The following SLC25A24 variants were observed in gnomAD, a reference collection of about 807,000 sequenced individuals.
The protein encoded by SLC25A24 is solute carrier family 25 member 24, also known as mitochondrial adenyl nucleotide antiporter SLC25A24.
In SLC25A24, 49 loss-of-function variants were observed where a neutral mutation model predicts 60.7. The ratio of observed to expected loss-of-function variants is 0.81; its 90% CI spans 0.64 to 1.02. The LOEUF (loss-of-function observed/expected upper bound fraction) is 1.02. Ranked by LOEUF, SLC25A24 falls within the 50% of genes least tolerant of loss-of-function variation. The probability of loss-of-function intolerance (pLI) is 0.00; values close to 1 mark genes in which losing one functional copy is unlikely to be tolerated. For missense variants in SLC25A24, 564 were observed against 586.3 expected (o/e 0.96, Z 0.39); for synonymous variants, 202 against 200.6 (o/e 1.01, Z -0.06).
At chr1:108,189,291 T>C (rs1648259053) in intron 1 of SLC25A24, among the ~76,000 whole-genome samples, 1 of 152,214 alleles carries the variant, frequency 6.6e-6, no homozygotes, top group South Asian at 2.1e-4. Context: ...CTCTACAGTT[T>C]CAGTTACCTG....
intron 8 of SLC25A24, among the ~76,000 whole-genome samples, chr1:108,140,929 T>TA (rs1301644752): frequency 6.6e-6 from 1 of 151,826 alleles, no homozygotes; most frequent in African/African-American, 2.4e-5. Flanking sequence ...ATGACAACAG[T>TA]AAGTCCTTCC....
rs200993204 is a variant in SLC25A24 at position 108,155,063 on chromosome 1, G to A, written c.742C>T (p.Arg248Cys). ...GTACCATTTCCCCTCCAAAGCGAGC[G>A]GATACCTCCTTCTTTTACCATCTGT... ...FRQMVKEGGI[R>C]SLWRGNGTNV... is the part of the protein sequence containing the mutation. The change falls in exon 6 of 10, where the codon CGC (arginine) becomes TGC (cysteine). Residue 248 changes from arginine to cysteine, a missense_variant. Transcript: ENST00000565488. The A allele has an allele frequency of 3.5e-5, 56 of 1,612,312 alleles. No individual in the cohort carries two copies. Among genetic ancestry groups the A allele is most frequent in the Non-Finnish European group, 4.2e-5 (49 of 1,179,078 alleles).
At chr1:108,163,577 C>T (rs1680153958) in intron 3 of SLC25A24, among the ~76,000 whole-genome samples, 1 of 152,082 alleles carries the variant, frequency 6.6e-6, no homozygotes, top group Non-Finnish European at 1.5e-5. Flanking sequence ...GGAGTTCACT[C>T]ATGATTTGGC....
At chr1:108,175,845 A>G (rs1232612441) in intron 3 of SLC25A24, among the ~76,000 whole-genome samples, 1 of 152,210 alleles carries the variant, frequency 6.6e-6, no homozygotes, top group South Asian at 2.1e-4. Flanking sequence ...TATTAAAGAT[A>G]TTTAATTAAA....
chr1:108,171,836 CA>C (rs1647472310), intron 3 of SLC25A24, among the ~76,000 whole-genome samples: 1 of 152,080 alleles, frequency 6.6e-6, no homozygotes, highest in South Asian at 2.1e-4. Flanking sequence ...CTCCATTTTA[CA>C]GACAAAGAGA....
intron 6 of SLC25A24, 114 bp from the exon 7 acceptor site, chr1:108,148,500 G>C (rs762616485): frequency 8.6e-5 from 57 of 666,130 alleles, no homozygotes; most frequent in African/African-American, 1.4e-4. Context: ...TAGGAGATGA[G>C]GCTTCTGGAG....
chr1:108,192,363 T>C (rs1448378046), intron 1 of SLC25A24: 4 of 604,088 alleles, frequency 6.6e-6, no homozygotes, highest in Middle Eastern at 8.4e-4. Flanking sequence ...ACGGTAACGC[T>C]GGTCAACGAC....
chr1:108,142,864 C>T (rs528984749), intron 8 of SLC25A24, among the ~76,000 whole-genome samples: 2 of 152,040 alleles, frequency 1.3e-5, no homozygotes, highest in Non-Finnish European at 2.9e-5. Flanking sequence ...TGAACTAAAT[C>T]TCAATAAAGC....
chr1:108,153,490 C>T (rs140245297), intron 6 of SLC25A24, among the ~76,000 whole-genome samples: 8 of 152,214 alleles, frequency 5.3e-5, no homozygotes, highest in Admixed American at 2.0e-4. Flanking sequence ...ATTCAGCACT[C>T]GAGGGAGGCT....
At chr1:108,164,357 A>G (rs1259452667) in intron 3 of SLC25A24, among the ~76,000 whole-genome samples, 24 of 149,756 alleles carry the variant, frequency 1.6e-4, no homozygotes, top group African/African-American at 5.4e-4. Flanking sequence ...GAATAGTTTC[A>G]GAAGGAATGG....
chr1:108,197,878 G>A (rs1648543208), intron 1 of SLC25A24, among the ~76,000 whole-genome samples: 1 of 152,236 alleles, frequency 6.6e-6, no homozygotes, highest in African/African-American at 2.4e-5. Context: ...CTAGCAGGAG[G>A]TGTCAGGGTT....
At chr1:108,138,418 A>G (rs1043602025) in intron 9 of SLC25A24, among the ~76,000 whole-genome samples, 3 of 152,238 alleles carry the variant, frequency 2.0e-5, no homozygotes, top group African/African-American at 7.2e-5. Flanking sequence ...CAAAGAGAAA[A>G]GAAAGGCATT....
intron 4 of SLC25A24, among the ~76,000 whole-genome samples, chr1:108,160,803 A>G (rs1348400600): frequency 6.6e-6 from 1 of 152,176 alleles, no homozygotes; most frequent in Non-Finnish European, 1.5e-5. Context: ...TACGAAAAAC[A>G]GTCAGGCGTG....
Position 108,136,552 on chromosome 1 carries a change from G to T in SLC25A24, c.*101C>A. 3 of 991,910 alleles carry T rather than the reference G, an allele frequency of 3.0e-6. No individual in the cohort carries two copies. The highest frequency in any genetic ancestry group is 4.5e-6 in the Non-Finnish European group (3 of 665,134). 61.4% of individuals were successfully genotyped at this position (991,910 alleles called of 1,614,324 possible). On this transcript the variant is annotated 3_prime_UTR_variant, in exon 10 of 10. Transcript: ENST00000565488. ...CCATCTTCCCTTTTGTGAAAAAAATGCAGCTTCTTTTGCCATAGACTTGTT... is the reference window on the plus strand; with the variant it reads ...CCATCTTCCCTTTTGTGAAAAAAATTCAGCTTCTTTTGCCATAGACTTGTT...
intron 3 of SLC25A24, among the ~76,000 whole-genome samples, chr1:108,173,533 G>A (rs1375120192): frequency 4.6e-5 from 7 of 152,138 alleles, no homozygotes; most frequent in Non-Finnish European, 1.0e-4. Context: ...TTATAGCAGC[G>A]TGAGAATGAA....
chr1:108,136,813 A>T lies in SLC25A24; in HGVS notation c.1274T>A (p.Leu425Gln). The change falls in exon 10 of 10, where the codon CTG becomes CAG. Residue 425 changes from leucine (L) to glutamine (Q), a missense_variant. Coordinates refer to ENST00000565488, the MANE Select transcript of SLC25A24 (RefSeq NM_013386.5). ...TCGTCGAAAGAGGCCAACCATATTC[A>T]GCTGTGGGGAACCTTCTAACATGGC... Reference protein sequence around the residue: ...AQAMLEGSPQLNMVGLFRRII... With the variant: ...AQAMLEGSPQQNMVGLFRRII... The T allele has an allele frequency of 6.2e-7, 1 of 1,614,088 alleles. No individual in the cohort carries two copies. The highest frequency in any genetic ancestry group is 8.5e-7 in the Non-Finnish European group (1 of 1,179,974).
At chr1:108,173,354 G>A (rs1191625735) in intron 3 of SLC25A24, among the ~76,000 whole-genome samples, 1 of 152,120 alleles carries the variant, frequency 6.6e-6, no homozygotes, top group Non-Finnish European at 1.5e-5. Flanking sequence ...TGGTTTTATA[G>A]GGCTTTTCCC....
intron 3 of SLC25A24, among the ~76,000 whole-genome samples, chr1:108,178,696 C>A (rs1647797762): frequency 6.6e-6 from 1 of 152,046 alleles, no homozygotes; most frequent in African/African-American, 2.4e-5. Flanking sequence ...TGCCTGTAGT[C>A]CCAGCTACTC....
intron 3 of SLC25A24, among the ~76,000 whole-genome samples, chr1:108,180,847 A>G (rs1479109906): frequency 6.6e-6 from 1 of 152,112 alleles, no homozygotes; most frequent in Non-Finnish European, 1.5e-5. Context: ...CTAAGCTAAT[A>G]CTTCTTAGTC....
Sources: allele counts gnomAD v4.1 joint callset (sites outside exome capture counted in the v4.1 genomes callset), GRCh38; gene constraint gnomAD v4.1.1; transcripts MANE v1.5; gene names NCBI Gene and HGNC (gene_info 2026-07-23, HGNC 2026-07-21).